CLTC: variants seen among roughly 807,000 people sequenced by gnomAD.
CLTC encodes clathrin heavy chain.
In CLTC, 16 loss-of-function variants were observed where a neutral mutation model predicts 195.8. The observed-to-expected ratio is 0.08, with a 90% CI of 0.06 to 0.12. CLTC has a LOEUF of 0.12. Among genes scored for constraint, CLTC ranks in the 10% least tolerant of loss-of-function variants. The pLI is 1.00. For synonymous variants in CLTC, 667 were observed against 689.4 expected, an observed-to-expected ratio of 0.97 and a Z score of 0.51; for missense variants, 796 against 2,027.0, an observed-to-expected ratio of 0.39 and a Z score of 11.66.
At chr17:59,659,855 T>C (rs2032569029) in intron 6 of CLTC, among the ~76,000 whole-genome samples, 1 of 152,220 alleles carries the variant, frequency 6.6e-6, no homozygotes, top group African/African-American at 2.4e-5. Context: ...AATGAAAATG[T>C]AATTAACGAA....
intron 31 of CLTC, among the ~76,000 whole-genome samples, chr17:59,692,755 A>G (rs1490847158): frequency 6.6e-6 from 1 of 151,912 alleles, no homozygotes; most frequent in African/African-American, 2.4e-5. Flanking sequence ...TCCTGCCTCA[A>G]CCTGCTGAGT....
intron 15 of CLTC, among the ~76,000 whole-genome samples, chr17:59,674,060 G>A (rs931087648): frequency 1.3e-5 from 2 of 151,930 alleles, no homozygotes; most frequent in African/African-American, 4.8e-5. Flanking sequence ...ACCATGCCCA[G>A]CCTGCTTTTA....
At chr17:59,668,999 G>A in intron 14 of CLTC, 59 bp downstream of exon 14, 2 of 1,466,788 alleles carry the variant, frequency 1.4e-6, no homozygotes, top group East Asian at 2.4e-5. Flanking sequence ...GTTCTACAAG[G>A]GTTTGGTCAT....
chr17:59,647,486 G>T lies in CLTC; in HGVS notation c.339G>T (p.Trp113Cys). 1 of 1,614,058 alleles carries T rather than the reference G, an allele frequency of 6.2e-7. No individual in the cohort carries two copies. The highest frequency in any genetic ancestry group is 8.5e-7 in the Non-Finnish European group (1 of 1,179,950). ...CTGATGATGTCACCTTTTGGAAATG[G>T]ATCTCTTTGAATACGGTTGCTCTTG... ...TMTDDVTFWKWISLNTVALVT... is the reference protein window; with the variant it reads ...TMTDDVTFWKCISLNTVALVT... Residue 113 changes from tryptophan to cysteine, a missense_variant, in exon 3 of 32, where the codon TGG becomes TGT. By Grantham distance (215) the Trp-to-Cys change is radical. Around this residue, in one of 9 missense-constraint regions of CLTC, gnomAD observed 293 missense variants for 795.6 expected, o/e 0.37. Transcript: ENST00000269122.
chr17:59,654,720 A>G (rs746486626), intron 5 of CLTC, among the ~76,000 whole-genome samples: 22 of 152,292 alleles, frequency 1.4e-4, no homozygotes, highest in Middle Eastern at 3.4e-3. Context: ...AGCTCAGGCA[A>G]TCCACCCACC....
At chr17:59,660,181 G>A (rs2032576500) in intron 6 of CLTC, among the ~76,000 whole-genome samples, 1 of 152,086 alleles carries the variant, frequency 6.6e-6, no homozygotes, top group Non-Finnish European at 1.5e-5. Context: ...CCACATAATG[G>A]CCTAACACCC....
At chr17:59,657,372 T>C (rs1340530305) in intron 6 of CLTC, among the ~76,000 whole-genome samples, 2 of 152,166 alleles carry the variant, frequency 1.3e-5, no homozygotes, top group Non-Finnish European at 2.9e-5. Flanking sequence ...GGATTGTCTT[T>C]AGTAAATTAT....
At chr17:59,679,353 C>A in intron 17 of CLTC, 44 bp from the exon 18 acceptor site, 4 of 1,505,788 alleles carry the variant, frequency 2.7e-6, no homozygotes, top group Non-Finnish European at 3.6e-6. Context: ...TATAAAAAGT[C>A]CTTTACTTTT....
In CLTC at chr17:59,695,822, T is replaced by C; in HGVS notation, c.*1970T>C. ...ACTGCTTTTGCACCCTCAGTGCAAA[T>C]ATCAACACAGAGAAAAAAAAAATAA... On this transcript the variant is annotated 3_prime_UTR_variant, in exon 32 of 32. Coordinates refer to ENST00000269122, the MANE Select transcript of CLTC (RefSeq NM_004859.4). The C allele has an allele frequency of 1.1e-5, 2 of 175,512 alleles. No individual in the cohort carries two copies. The highest frequency in any genetic ancestry group is 2.3e-5 in the Non-Finnish European group (2 of 87,280). 10.9% of individuals were successfully genotyped at this position (175,512 alleles called of 1,614,324 possible). A position where few individuals can be genotyped will look rare whatever the true frequency, so the allele number is the denominator to read the frequency against.
chr17:59,660,920 G>A (rs2032592976), intron 7 of CLTC, among the ~76,000 whole-genome samples: 2 of 152,144 alleles, frequency 1.3e-5, no homozygotes, highest in Admixed American at 6.5e-5. Flanking sequence ...TCCATAACTT[G>A]GACATGAAAT....
chr17:59,669,685 T>A (rs886152204), intron 14 of CLTC, among the ~76,000 whole-genome samples: 6 of 151,242 alleles, frequency 4.0e-5, no homozygotes, highest in African/African-American at 1.5e-4. Context: ...ACACTTAGAT[T>A]ACTGCTCTCT....
chr17:59,641,667 A>G (rs1269614870), intron 1 of CLTC, among the ~76,000 whole-genome samples: 4 of 146,582 alleles, frequency 2.7e-5, no homozygotes, highest in Non-Finnish European at 4.5e-5. Flanking sequence ...TGCATTTTTT[A>G]AATAAAGTAT....
intron 2 of CLTC, among the ~76,000 whole-genome samples, chr17:59,644,802 C>T (rs1188424632): frequency 6.6e-6 from 1 of 152,166 alleles, no homozygotes; most frequent in Admixed American, 6.6e-5. Flanking sequence ...CCGCCTGCCT[C>T]GGCCTCCCAG....
intron 1 of CLTC, among the ~76,000 whole-genome samples, chr17:59,631,183 T>C (rs1376952330): frequency 6.6e-6 from 1 of 152,232 alleles, no homozygotes; most frequent in South Asian, 2.1e-4. Flanking sequence ...TCCCTTATAT[T>C]GTGTATCCTG....
At position 59,685,046 on chromosome 17, in the gene CLTC, T is replaced by A. The variant is rs202245909; in HGVS notation, c.4435-10T>A. On this transcript the variant is annotated splice_polypyrimidine_tract_variant and intron_variant, in intron 28 of 31. Transcript: ENST00000269122. This position sits in a 1 kb window ranked among gnomAD's most constrained non-coding sequence, Gnocchi z 5.0. ...CTGATCTGGCATTTGGATGGCTTTTTTTTTTTAAGGCTCTGCGAACATCAA... is the reference window on the plus strand; with the variant it reads ...CTGATCTGGCATTTGGATGGCTTTTATTTTTTAAGGCTCTGCGAACATCAA... The A allele has an allele frequency of 3.3e-6, 5 of 1,502,598 alleles. No homozygotes were observed. Among genetic ancestry groups the A allele is most frequent in the Non-Finnish European group, 4.5e-6 (5 of 1,116,608 alleles). The allele number at this position is 1,502,598 out of a possible 1,614,324, so 93.1% of individuals were successfully genotyped here.
intron 28 of CLTC, among the ~76,000 whole-genome samples, 176 bp from the exon 29 acceptor site, chr17:59,684,880 T>C (rs1345429140): frequency 1.3e-5 from 2 of 151,978 alleles, no homozygotes; most frequent in African/African-American, 4.8e-5. Flanking sequence ...TAGTCCTTGA[T>C]AGTGAAAATC....
intron 30 of CLTC, among the ~76,000 whole-genome samples, chr17:59,687,483 T>G (rs1352038751): frequency 2.7e-5 from 4 of 150,664 alleles, no homozygotes; most frequent in Non-Finnish European, 4.4e-5. Flanking sequence ...AAAGGCTTTT[T>G]GGGGTTTTTT....
chr17:59,670,494 A>G (rs1342155567), intron 14 of CLTC, among the ~76,000 whole-genome samples: 2 of 151,752 alleles, frequency 1.3e-5, no homozygotes, highest in Non-Finnish European at 2.9e-5. Context: ...CTCTGTGTCC[A>G]TGTGTTCTCA....
Position 59,679,527 on chromosome 17 carries a change from T to C in CLTC, c.2919+8T>C, listed in dbSNP as rs759741143. 2.5e-6 allele frequency: 4 copies of C among 1,575,370 alleles called. No homozygotes were observed. Among genetic ancestry groups the C allele is most frequent in the Non-Finnish European group, 1.7e-6 (2 of 1,159,488 alleles). ...AGACCCCTAATTGACCAGGTAACAT[T>C]GGCAAATGTGTTTATGGCTGTCAGT... On this transcript the variant is annotated splice_region_variant and intron_variant, in intron 18 of 31. Coordinates refer to ENST00000269122, the MANE Select transcript of CLTC (RefSeq NM_004859.4).
Sources: allele counts gnomAD v4.1 joint callset (sites outside exome capture counted in the v4.1 genomes callset), GRCh38; gene constraint gnomAD v4.1.1; regional missense constraint gnomAD v4.1.1; non-coding constraint Gnocchi (gnomAD v3.1); transcripts MANE v1.5; gene names NCBI Gene and HGNC (gene_info 2026-07-23, HGNC 2026-07-21).